Variants in LITAF observed in about 807,000 individuals in gnomAD.
LITAF encodes lipopolysaccharide induced TNF factor, also known as lipopolysaccharide-induced tumor necrosis factor-alpha factor.
LITAF carries 9 observed loss-of-function variants against 14.5 expected under a neutral mutation model. That is an observed-to-expected ratio of 0.62 (90% CI 0.37 to 1.08). The LOEUF is 1.08. LITAF is among the 50% of genes least tolerant of loss of function. The probability of loss-of-function intolerance (pLI) is 0.01; values close to 1 mark genes in which losing one functional copy is unlikely to be tolerated. For synonymous variants in LITAF, 98 were observed against 88.2 expected (o/e 1.11, Z -0.62); for missense variants, 206 against 213.4 (o/e 0.97, Z 0.22).
At chr16:11,617,842 C>CTATT (rs547785563) in intron 3 of LITAF, among the ~76,000 whole-genome samples, 4 of 152,010 alleles carry the variant, frequency 2.6e-5, no homozygotes, top group Admixed American at 6.6e-5. Context: ...CCTCCGTAAC[C>CTATT]TATTTATTTA....
intron 1 of LITAF, among the ~76,000 whole-genome samples, chr16:11,571,612 C>T (rs1396654788): frequency 2.0e-5 from 3 of 152,154 alleles, no homozygotes; most frequent in Admixed American, 2.0e-4. Context: ...CCCACCTGAA[C>T]CCCCAGGCAT....
chr16:11,636,523 T>A (rs1012955054), upstream of LITAF: 4 of 152,452 alleles, frequency 2.6e-5, no homozygotes, highest in African/African-American at 9.6e-5. Context: ...ACCTTTTGCA[T>A]AGTGCATGAA....
At chr16:11,564,317 C>T (rs2064418814) in intron 1 of LITAF, among the ~76,000 whole-genome samples, 1 of 152,094 alleles carries the variant, frequency 6.6e-6, no homozygotes, top group Admixed American at 6.6e-5. Flanking sequence ...ATGCACCGAT[C>T]TGGAATCCTC....
chr16:11,588,149 T>C (rs1313175939), upstream of LITAF, among the ~76,000 whole-genome samples: 2 of 152,058 alleles, frequency 1.3e-5, no homozygotes, highest in South Asian at 2.1e-4. Context: ...CTCCCAAGCA[T>C]AGGAGGTTCC....
intron 1 of LITAF, among the ~76,000 whole-genome samples, chr16:11,583,041 G>T (rs1273299794): frequency 6.6e-6 from 1 of 152,162 alleles, no homozygotes; most frequent in African/African-American, 2.4e-5. Flanking sequence ...AGACAAAAGG[G>T]GAAACCCGGA....
Position 11,559,416 on chromosome 16 carries a change from G to C in LITAF, c.-5-2681C>G, listed in dbSNP as rs1013961696. ...AATTCAATTATTGGGAAGCTTTTAT[G>C]TAAGTCTGGGACAACTTGAATATAT... On this transcript the variant is annotated intron_variant, in intron 1 of 3. Coordinates refer to ENST00000622633, the MANE Select transcript of LITAF (RefSeq NM_001136472.2). Among the ~76,000 whole-genome samples the C allele has an allele frequency of 7.2e-5, 11 of 152,136 alleles. No homozygotes were observed. In the East Asian group the frequency reaches 2.1e-3, roughly 29 times the overall value.
chr16:11,556,415 A>C, intron 2 of LITAF, 96 bp downstream of exon 2: 4 of 1,071,288 alleles, frequency 3.7e-6, no homozygotes, highest in Non-Finnish European at 4.1e-6. Context: ...CTGGCACTTC[A>C]CTTAGACTCT....
chr16:11,613,700 G>C (rs1265275095), intron 3 of LITAF, among the ~76,000 whole-genome samples: 1 of 152,206 alleles, frequency 6.6e-6, no homozygotes, highest in Non-Finnish European at 1.5e-5. Context: ...GTCCTTACAG[G>C]GAGCACAGCC....
chr16:11,574,663 T>C (rs1311000948), intron 1 of LITAF, among the ~76,000 whole-genome samples: 1 of 152,182 alleles, frequency 6.6e-6, no homozygotes, highest in Non-Finnish European at 1.5e-5. Context: ...GCCCAGCACC[T>C]GGCCCTGGGA....
At chr16:11,639,966 A>G (rs1378992379), upstream of LITAF, among the ~76,000 whole-genome samples, 1 of 152,066 alleles carries the variant, frequency 6.6e-6, no homozygotes, top group Admixed American at 6.6e-5. Context: ...GCAGAGACAT[A>G]GTTTCACTGT....
chr16:11,625,047 G>A (rs2065075354), intron 3 of LITAF, among the ~76,000 whole-genome samples: 1 of 152,134 alleles, frequency 6.6e-6, no homozygotes, highest in African/African-American at 2.4e-5. Context: ...AGGAAGGTGA[G>A]ACAAACTGCT....
chr16:11,593,266 G>C (rs1254252412), intron 1 of LITAF, among the ~76,000 whole-genome samples: 1 of 145,730 alleles, frequency 6.9e-6, no homozygotes, highest in Non-Finnish European at 1.5e-5. Context: ...TGAGGCAAGA[G>C]AATCGCTTGA....
chr16:11,569,632 C>G (rs148286927), intron 1 of LITAF, among the ~76,000 whole-genome samples: 1 of 152,120 alleles, frequency 6.6e-6, no homozygotes, highest in African/African-American at 2.4e-5. Context: ...GCGTGGACTA[C>G]GGCCTGGTCA....
At chr16:11,622,519 G>A (rs2065057607) in intron 3 of LITAF, among the ~76,000 whole-genome samples, 1 of 151,942 alleles carries the variant, frequency 6.6e-6, no homozygotes, top group South Asian at 2.1e-4. Context: ...GATGGAGGAG[G>A]CTGTCTGTGC....
At chr16:11,574,483 G>C (rs1567247577) in intron 1 of LITAF, among the ~76,000 whole-genome samples, 2 of 152,130 alleles carry the variant, frequency 1.3e-5, no homozygotes, top group Non-Finnish European at 2.9e-5. Flanking sequence ...ACCCTTGCTG[G>C]TCTTTTGTAT....
intron 1 of LITAF, among the ~76,000 whole-genome samples, chr16:11,571,410 G>C (rs1023660170): frequency 2.0e-5 from 3 of 152,152 alleles, no homozygotes; most frequent in African/African-American, 4.8e-5. Context: ...CAGACTTCAG[G>C]CTCCAGAACT....
At position 11,605,422 on chromosome 16, in the gene LITAF, G is replaced by A. The variant is rs546529689; in HGVS notation, c.85+28111C>T. On this transcript the variant is annotated intron_variant, in intron 3 of 3. Transcript: ENST00000574848. This position sits in a 1 kb window ranked among gnomAD's most constrained non-coding sequence, Gnocchi z 4.7. Reference sequence around the variant, plus strand: ...GGGAAGAGGGAAAGGAGCACAGCTAGCACTGCCCTGGGCTCCCTTCACAGT... The same window carrying A: ...GGGAAGAGGGAAAGGAGCACAGCTAACACTGCCCTGGGCTCCCTTCACAGT... Among the ~76,000 whole-genome samples the A allele has an allele frequency of 4.7e-4, 72 of 152,278 alleles. 1 individual carries two copies. The South Asian group carries it at 0.015, about 32-fold the overall frequency.
intron 1 of LITAF, among the ~76,000 whole-genome samples, chr16:11,580,722 A>G (rs2064718983): frequency 1.3e-5 from 2 of 152,116 alleles, no homozygotes; most frequent in Non-Finnish European, 2.9e-5. Context: ...TTACCCTTCT[A>G]TAACCTATCA....
upstream of LITAF, among the ~76,000 whole-genome samples, chr16:11,637,647 T>G (rs2065143202): frequency 6.6e-6 from 1 of 152,060 alleles, no homozygotes; most frequent in Non-Finnish European, 1.5e-5. Context: ...TATTCCCAGC[T>G]GAGGTGGGAG....
Sources: allele counts gnomAD v4.1 joint callset (sites outside exome capture counted in the v4.1 genomes callset), GRCh38; gene constraint gnomAD v4.1.1; non-coding constraint Gnocchi (gnomAD v3.1); transcripts MANE v1.5; gene names NCBI Gene and HGNC (gene_info 2026-07-23, HGNC 2026-07-21).